Variants in NR2F1-AS1 observed in about 807,000 individuals in gnomAD.
NR2F1-AS1 encodes NR2F1 regulatory antisense RNA 1, also known as NR2F1 antisense RNA 1.
intron 4 of NR2F1-AS1, among the ~76,000 whole-genome samples, chr5:93,448,270 T>G (rs1749759346): frequency 6.6e-6 from 1 of 152,318 alleles, no homozygotes; most frequent in South Asian, 2.1e-4. Flanking sequence ...CAATCTCATG[T>G]TAAACAATTA....
At chr5:93,461,424 C>G (rs905906041) in intron 4 of NR2F1-AS1, among the ~76,000 whole-genome samples, 1 of 152,082 alleles carries the variant, frequency 6.6e-6, no homozygotes, top group Middle Eastern at 3.2e-3. Flanking sequence ...GTGCAGCAAA[C>G]CACCATGGCA....
At chr5:93,479,038 G>T (rs1750546733) in intron 4 of NR2F1-AS1, among the ~76,000 whole-genome samples, 1 of 152,152 alleles carries the variant, frequency 6.6e-6, no homozygotes, top group Admixed American at 6.5e-5. Flanking sequence ...AAGTCTAGCT[G>T]AACATTTGCA....
At chr5:93,457,814 T>A (rs1749985301) in intron 4 of NR2F1-AS1, among the ~76,000 whole-genome samples, 1 of 152,092 alleles carries the variant, frequency 6.6e-6, no homozygotes, top group Non-Finnish European at 1.5e-5. Context: ...GCCTTCTTGG[T>A]GGATGGCAAC....
chr5:93,511,204 C>T (rs1236670963), intron 4 of NR2F1-AS1, among the ~76,000 whole-genome samples: 2 of 152,094 alleles, frequency 1.3e-5, no homozygotes, highest in Non-Finnish European at 2.9e-5. Flanking sequence ...ATTGCCCTCC[C>T]CAATGTGGTT....
intron 2 of NR2F1-AS1, among the ~76,000 whole-genome samples, chr5:93,556,789 A>C (rs1752366236): frequency 5.9e-5 from 9 of 152,158 alleles, no homozygotes; most frequent in Admixed American, 5.2e-4. Flanking sequence ...CTTAGAAAGA[A>C]CCAACACCTT....
chr5:93,418,865 T>G (rs1018434486), intron 4 of NR2F1-AS1, among the ~76,000 whole-genome samples: 29 of 152,062 alleles, frequency 1.9e-4, no homozygotes, highest in African/African-American at 6.8e-4. Flanking sequence ...GAATATGGAG[T>G]TTCACTCTCT....
chr5:93,507,963 G>C (rs1268762633), intron 4 of NR2F1-AS1, among the ~76,000 whole-genome samples: 1 of 152,048 alleles, frequency 6.6e-6, no homozygotes, highest in African/African-American at 2.4e-5. Context: ...TTAACATCAG[G>C]CATAAATGGA....
At chr5:93,473,588 T>C (rs1307087724) in intron 4 of NR2F1-AS1, among the ~76,000 whole-genome samples, 4 of 151,274 alleles carry the variant, frequency 2.6e-5, no homozygotes, top group Non-Finnish European at 5.9e-5. Context: ...CCAGGCTTAT[T>C]TGAGGTTTTA....
chr5:93,542,276 C>A (rs561071611), intron 4 of NR2F1-AS1: 186 of 151,750 alleles, frequency 1.2e-3, no homozygotes, highest in African/African-American at 4.4e-3. Context: ...CTTATTAAGA[C>A]CTAAAAATTT....
intron 4 of NR2F1-AS1, among the ~76,000 whole-genome samples, chr5:93,445,597 T>A (rs1201276924): frequency 6.6e-6 from 1 of 151,992 alleles, no homozygotes; most frequent in South Asian, 2.1e-4. Flanking sequence ...CCAGACAGAT[T>A]CACAGCCGAA....
At chr5:93,491,790 C>A (rs150729393) in intron 4 of NR2F1-AS1, among the ~76,000 whole-genome samples, 326 of 152,310 alleles carry the variant, frequency 2.1e-3, no homozygotes, top group African/African-American at 7.5e-3. Context: ...GGTAGCCTCC[C>A]CAGTTCTCAG....
chr5:93,558,168 T>C (rs1306799501), intron 2 of NR2F1-AS1, among the ~76,000 whole-genome samples: 1 of 152,206 alleles, frequency 6.6e-6, no homozygotes, highest in East Asian at 1.9e-4. Context: ...ATCTTGTCCA[T>C]GTTGATATTC....
At chr5:93,558,347 A>G (rs908305445) in intron 2 of NR2F1-AS1, among the ~76,000 whole-genome samples, 1 of 149,756 alleles carries the variant, frequency 6.7e-6, no homozygotes, top group Non-Finnish European at 1.5e-5. Flanking sequence ...CTGAGATGGA[A>G]TCTTGCTCTA....
chr5:93,556,361 T>A (rs1752355708), intron 2 of NR2F1-AS1, among the ~76,000 whole-genome samples: 1 of 152,242 alleles, frequency 6.6e-6, no homozygotes, highest in Non-Finnish European at 1.5e-5. Context: ...ATGACCCATT[T>A]ATGGACATAC....
intron 2 of NR2F1-AS1, chr5:93,563,221 C>T (rs1752535356): frequency 1.3e-5 from 2 of 152,184 alleles, no homozygotes. Context: ...GTTAACACCA[C>T]ACCACATCTC....
chr5:93,501,735 G>A (rs1448798947), intron 4 of NR2F1-AS1, among the ~76,000 whole-genome samples: 1 of 152,194 alleles, frequency 6.6e-6, no homozygotes, highest in Non-Finnish European at 1.5e-5. Flanking sequence ...GAACAACAAA[G>A]TATTTGAAAT....
chr5:93,489,901 G>A (rs189467954), intron 4 of NR2F1-AS1, among the ~76,000 whole-genome samples: 3 of 152,108 alleles, frequency 2.0e-5, no homozygotes, highest in East Asian at 1.9e-4. Context: ...CCAGTTGCTC[G>A]TGATTTTATG....
At chr5:93,496,423 T>A (rs1195295138) in intron 4 of NR2F1-AS1, among the ~76,000 whole-genome samples, 1 of 152,178 alleles carries the variant, frequency 6.6e-6, no homozygotes, top group Non-Finnish European at 1.5e-5. Context: ...TTGGCCCTTG[T>A]AGAAGGACAC....
upstream of NR2F1-AS1, chr5:93,585,211 C>T (rs1753208695): frequency 3.9e-6 from 6 of 1,542,644 alleles, no homozygotes; most frequent in Non-Finnish European, 5.2e-6. Context: ...GCGCCCGCCA[C>T]CCCCGGCACG....
Sources: gnomAD v4.1 joint callset for allele counts (sites outside exome capture counted in the v4.1 genomes callset) on GRCh38, gnomAD v4.1.1 for gene constraint, MANE v1.5 for transcripts, NCBI Gene and HGNC (gene_info 2026-07-23, HGNC 2026-07-21) for gene names.